Variants in PIEZO1 observed in about 807,000 individuals in gnomAD.
PIEZO1 encodes the protein piezo-type mechanosensitive ion channel component 1.
Under a neutral mutation model 297.2 loss-of-function variants are expected in PIEZO1, and 296 were observed. The ratio of observed to expected loss-of-function variants is 1.00; its 90% confidence interval spans 0.91 to 1.10. The LOEUF is 1.10. Ranked by LOEUF, PIEZO1 falls within the 50% of genes least tolerant of loss-of-function variation. The pLI is 0.00. For missense variants in PIEZO1, 5,018 were observed against 3,455.5 expected, an observed-to-expected ratio of 1.45 and a Z score of -11.34; for synonymous variants, 2,427 against 1,507.5, an observed-to-expected ratio of 1.61 and a Z score of -14.13.
At position 88,726,353 on chromosome 16, in the gene PIEZO1, C is replaced by T. The variant is rs944836354; in HGVS notation, c.3899G>A (p.Arg1300His). 2.9e-5 allele frequency: 45 copies of T among 1,550,272 alleles called. No homozygotes were observed. Among genetic ancestry groups the T allele is most frequent in the African/African-American group, 1.1e-4 (8 of 73,040 alleles). The change falls in exon 27 of 51, where the codon CGC becomes CAC. Residue 1300 changes from arginine (R) to histidine (H), a missense_variant. Physicochemically the swap from Arg to His is conservative, Grantham distance 29 (BLOSUM62 0). Transcript: ENST00000301015. ...CAGGTAGTAATGGCTAAGGAAGACGCGGCGCTGCAGCAGCAGGAAGAAGAA... is the reference window on the plus strand; with the variant it reads ...CAGGTAGTAATGGCTAAGGAAGACGTGGCGCTGCAGCAGCAGGAAGAAGAA... The part of the protein sequence containing the change: ...VCFFFLLLQR[R>H]VFLSHYYLHV...
intron 29 of PIEZO1, 117 bp from the exon 30 acceptor site, chr16:88,725,197 G>A (rs1904336223): frequency 1.3e-6 from 1 of 781,574 alleles, no homozygotes; most frequent in Non-Finnish European, 2.0e-6. Context: ...CACCCACAGT[G>A]ACGGGGGCCG....
chr16:88,731,409 G>A (rs1597454094), intron 22 of PIEZO1: 1 of 414,160 alleles, frequency 2.4e-6, no homozygotes, highest in East Asian at 4.5e-5. Flanking sequence ...GGCCCGGAGA[G>A]GACGCAGTGC....
Position 88,726,289 on chromosome 16 carries a change from G to C in PIEZO1, c.3963C>G (p.Ala1321=). Residue 1321 remains alanine, a synonymous_variant, in exon 27 of 51, where the codon GCC becomes GCG. Coordinates refer to ENST00000301015, the MANE Select transcript of PIEZO1 (RefSeq NM_001142864.4). ...GTGTCTGGGCCCAAGCTTGCCTGGAGGCTAGCAGGGCGGTGGCCTGGAGGT... is the reference window on the plus strand; with the variant it reads ...GTGTCTGGGCCCAAGCTTGCCTGGACGCTAGCAGGGCGGTGGCCTGGAGGT... ...RADLQATALL[A]SRGFALYNAA... The C allele has an allele frequency of 1.9e-6, 3 of 1,547,828 alleles. No homozygotes were observed. The highest frequency in any genetic ancestry group is 2.6e-6 in the Non-Finnish European group (3 of 1,145,760).
At chr16:88,755,193 C>A (rs746160321) in intron 1 of PIEZO1, among the ~76,000 whole-genome samples, 1 of 152,198 alleles carries the variant, frequency 6.6e-6, no homozygotes, top group South Asian at 2.1e-4. Context: ...GCCTGGGATG[C>A]GGCGAACAGC....
intron 1 of PIEZO1, among the ~76,000 whole-genome samples, chr16:88,780,957 T>C (rs1567491444): frequency 1.3e-5 from 2 of 152,122 alleles, no homozygotes; most frequent in African/African-American, 2.4e-5. Flanking sequence ...CCTCTGTCTT[T>C]AAGAAAAAAG....
At chr16:88,737,457 G>T in intron 10 of PIEZO1, 102 bp downstream of exon 10, 1 of 769,644 alleles carries the variant, frequency 1.3e-6, no homozygotes, top group Non-Finnish European at 2.0e-6. Flanking sequence ...AGGCAGAGGT[G>T]CGGCGCGAGC....
At chr16:88,727,347 A>G (rs540826497) in intron 23 of PIEZO1, among the ~76,000 whole-genome samples, 155 bp from the exon 24 acceptor site, 1 of 152,216 alleles carries the variant, frequency 6.6e-6, no homozygotes, top group Non-Finnish European at 1.5e-5. Flanking sequence ...TCCCTGGGGG[A>G]GCCCCGGTGT....
intron 1 of PIEZO1, among the ~76,000 whole-genome samples, chr16:88,776,654 C>A (rs1907679186): frequency 2.0e-5 from 3 of 152,178 alleles, no homozygotes; most frequent in Admixed American, 6.5e-5. Context: ...CAGGAGGGAA[C>A]TGGGGGGCCA....
chr16:88,718,063 C>G (rs1470002799), intron 44 of PIEZO1: 4 of 248,158 alleles, frequency 1.6e-5, no homozygotes, highest in South Asian at 4.1e-5. Context: ...AGCCTGAGAT[C>G]CTATCTCAAA....
At chr16:88,765,086 A>G (rs11865710) in intron 1 of PIEZO1, among the ~76,000 whole-genome samples, 13,601 of 152,200 alleles carry the variant, frequency 0.089, 1,798 homozygotes, top group African/African-American at 0.29. Flanking sequence ...CAGAGCCCTC[A>G]CCCTGTGATT....
intron 31 of PIEZO1, among the ~76,000 whole-genome samples, 165 bp downstream of exon 31, chr16:88,723,706 T>C (rs1904301910): frequency 6.6e-6 from 1 of 152,214 alleles, no homozygotes; most frequent in Non-Finnish European, 1.5e-5. Context: ...TGTAGCCTGG[T>C]TTCCCATGGG....
Position 88,723,268 on chromosome 16 carries a change from G to T in PIEZO1, c.4396C>A (p.Gln1466Lys), listed in dbSNP as rs184887351. ...QAVLRRRQQE[Q>K]EQARQEQAGQ... ...GCCTGTTCCTGCCTTGCCTGCTCCT[G>T]CTCCTGCTGCCGCCGCCTCAGCACC... The change falls in exon 32 of 51, where the codon CAG (glutamine) becomes AAG (lysine). Residue 1466 changes from glutamine (Q) to lysine (K), a missense_variant. By Grantham distance (53) the Gln-to-Lys change is moderately conservative (BLOSUM62 1). Transcript: ENST00000301015. The T allele has an allele frequency of 1.3e-6, 2 of 1,543,802 alleles. No individual in the cohort carries two copies. Among genetic ancestry groups the T allele is most frequent in the East Asian group, 4.9e-5 (2 of 40,922 alleles).
At chr16:88,776,917 C>T (rs1222766855) in intron 1 of PIEZO1, among the ~76,000 whole-genome samples, 1 of 152,228 alleles carries the variant, frequency 6.6e-6, no homozygotes, top group Non-Finnish European at 1.5e-5. Flanking sequence ...CGGCTCACTT[C>T]TTGGCAGGGA....
At chr16:88,781,653 C>A (rs115075392) in intron 1 of PIEZO1, among the ~76,000 whole-genome samples, 5,244 of 152,352 alleles carry the variant, frequency 0.034, 155 homozygotes, top group African/African-American at 0.077. Context: ...TCGGATGGGA[C>A]AGGCCAGGGT....
chr16:88,756,640 T>A (rs1228850974), intron 1 of PIEZO1, among the ~76,000 whole-genome samples: 2 of 151,830 alleles, frequency 1.3e-5, no homozygotes, highest in Non-Finnish European at 2.9e-5. Context: ...TGGTGGTGGG[T>A]GCCTGTAGTC....
rs1323564425 is a variant in PIEZO1, at chr16:88,716,102, G to A, written c.7147C>T (p.Leu2383Phe). Residue 2383 changes from leucine (L) to phenylalanine (F), a missense_variant, in exon 50 of 51, where the codon CTC becomes TTC. Physicochemically the swap from Leu to Phe is conservative, Grantham distance 22 (BLOSUM62 0). Coordinates refer to ENST00000301015, the MANE Select transcript of PIEZO1 (RefSeq NM_001142864.4). ...QLQPNEEADY[L>F]GVRIQLRREQ... ...CTCCGCAGCTGGATACGCACGCCGA[G>A]GTAGTCGGCCTCCTCATCTGGGATG... The A allele has an allele frequency of 1.3e-6, 2 of 1,546,786 alleles. No homozygotes were observed. Among genetic ancestry groups the A allele is most frequent in the African/African-American group, 2.7e-5 (2 of 72,982 alleles).
chr16:88,778,764 G>C (rs1907791847), intron 1 of PIEZO1, among the ~76,000 whole-genome samples: 1 of 152,168 alleles, frequency 6.6e-6, no homozygotes, highest in South Asian at 2.1e-4. Flanking sequence ...CCTGCGGTGG[G>C]TGTGCGACCC....
At chr16:88,719,068 G>C (rs1034632208) in intron 44 of PIEZO1, 1 of 157,678 alleles carries the variant, frequency 6.3e-6, no homozygotes, top group Non-Finnish European at 1.4e-5. Context: ...TGCAGATCTT[G>C]AACTCCTGGC....
Position 88,715,433 on chromosome 16 carries a change from A to G in PIEZO1, c.*172T>C. On this transcript the variant is annotated 3_prime_UTR_variant, in exon 51 of 51. Coordinates refer to ENST00000301015, the MANE Select transcript of PIEZO1 (RefSeq NM_001142864.4). ...CGGCAGCGCCACGCAGGCCGTGGGGACGCAGTGTCCTTCTCTGACAGCAGC... is the reference window on the plus strand; with the variant it reads ...CGGCAGCGCCACGCAGGCCGTGGGGGCGCAGTGTCCTTCTCTGACAGCAGC... 1 of 921,336 alleles carries G rather than the reference A, an allele frequency of 1.1e-6. No homozygotes were observed. Among genetic ancestry groups the G allele is most frequent in the African/African-American group, 1.7e-5 (1 of 60,410 alleles). 57.1% of individuals were successfully genotyped at this position (921,336 alleles called of 1,614,324 possible).
Sources: allele counts gnomAD v4.1 joint callset (sites outside exome capture counted in the v4.1 genomes callset), GRCh38; gene constraint gnomAD v4.1.1; transcripts MANE v1.5; gene names NCBI Gene and HGNC (gene_info 2026-07-23, HGNC 2026-07-21).